The following AGPS variants were observed in gnomAD, a reference collection of about 807,000 sequenced individuals.
AGPS encodes alkylglycerone phosphate synthase.
AGPS carries 26 observed loss-of-function variants against 90.7 expected under a neutral mutation model. That is an observed-to-expected ratio of 0.29 (90% CI 0.21 to 0.40). AGPS has a LOEUF of 0.40. Ranked by LOEUF, AGPS falls within the 10% of genes least tolerant of loss-of-function variation. The pLI is 1.00. For missense variants in AGPS, 540 were observed against 816.1 expected (o/e 0.66, Z 4.12); for synonymous variants, 294 against 285.3 (o/e 1.03, Z -0.31).
rs902635803 is a variant in AGPS at position 177,457,911 on chromosome 2, A to T, written c.871-3982A>T. Among the ~76,000 whole-genome samples the T allele has an allele frequency of 2.0e-5, 3 of 152,364 alleles. No homozygotes were observed. In the East Asian group the frequency reaches 5.8e-4, roughly 29 times the overall value. ...AGAAAATTTCAGGCTAATATCCCCG[A>T]TGAACATCGATGCGAAAATCCTTAA... On this transcript the variant is annotated intron_variant, in intron 8 of 19. Transcript: ENST00000264167.
chr2:177,517,273 T>C (rs1211053838), intron 17 of AGPS, among the ~76,000 whole-genome samples: 1 of 152,154 alleles, frequency 6.6e-6, no homozygotes, highest in African/African-American at 2.4e-5. Context: ...TGATATCTTT[T>C]GTATATACAC....
chr2:177,537,732 G>A (rs1460955049), intron 19 of AGPS, among the ~76,000 whole-genome samples: 3 of 152,072 alleles, frequency 2.0e-5, no homozygotes, highest in Non-Finnish European at 4.4e-5. Flanking sequence ...AAACTTGGGT[G>A]TGTTTTGGTA....
At chr2:177,420,195 A>G (rs978394233) in intron 1 of AGPS, 74 bp from the exon 2 acceptor site, 5 of 937,776 alleles carry the variant, frequency 5.3e-6, no homozygotes, top group Middle Eastern at 2.5e-4. Flanking sequence ...TTGTGAGTTA[A>G]TAATCAATGA....
intron 19 of AGPS, among the ~76,000 whole-genome samples, chr2:177,536,033 C>T (rs1428184259): frequency 6.6e-6 from 1 of 152,020 alleles, no homozygotes; most frequent in Admixed American, 6.6e-5. Flanking sequence ...ATGATGCACT[C>T]CAAGCACCTT....
chr2:177,429,767 T>A (rs1335918915), intron 2 of AGPS, among the ~76,000 whole-genome samples: 1 of 152,170 alleles, frequency 6.6e-6, no homozygotes, highest in Non-Finnish European at 1.5e-5. Flanking sequence ...AGACCCCTGT[T>A]GGGAGCTCTG....
chr2:177,498,340 TG>T lies in AGPS; in HGVS notation c.1362+581del, dbSNP rs202129184. Among the ~76,000 whole-genome samples, 853 of 151,728 alleles carry T rather than the reference TG, an allele frequency of 5.6e-3. 9 individuals are homozygous for T. Among genetic ancestry groups the T allele is most frequent in the African/African-American group, 0.02 (812 of 41,506 alleles). ...TATGGTTATTTTTGCCAGGTGGTGG[TG>T]GGGGGTGTGCAGCTTCATGTTTTTT... On this transcript the variant is annotated intron_variant, in intron 13 of 19. Transcript: ENST00000264167.
chr2:177,475,662 T>C (rs565707244), intron 10 of AGPS, among the ~76,000 whole-genome samples: 1 of 152,340 alleles, frequency 6.6e-6, no homozygotes, highest in East Asian at 1.9e-4. Flanking sequence ...CTGAATAATA[T>C]TCCACCGCAT....
chr2:177,410,655 A>T (rs986169409), intron 1 of AGPS, among the ~76,000 whole-genome samples: 4 of 152,132 alleles, frequency 2.6e-5, no homozygotes, highest in Non-Finnish European at 4.4e-5. Flanking sequence ...CCCTCAGATA[A>T]TGACAGATCT....
intron 1 of AGPS, among the ~76,000 whole-genome samples, chr2:177,416,692 AT>A (rs755341056): frequency 2.6e-4 from 39 of 147,662 alleles, no homozygotes; most frequent in East Asian, 1.8e-3. Flanking sequence ...CACCCAGCTA[AT>A]TTTTTTTTTT....
At chr2:177,402,350 C>T (rs576099796) in intron 1 of AGPS, among the ~76,000 whole-genome samples, 2 of 152,338 alleles carry the variant, frequency 1.3e-5, no homozygotes, top group East Asian at 3.9e-4. Context: ...ACTGGTGCAG[C>T]TGGACTCAAT....
At chr2:177,432,908 G>A (rs1001481635) in intron 2 of AGPS, among the ~76,000 whole-genome samples, 2 of 152,146 alleles carry the variant, frequency 1.3e-5, no homozygotes, top group African/African-American at 4.8e-5. Flanking sequence ...GAGATGGTAG[G>A]GAGGTGCCAG....
intron 14 of AGPS, among the ~76,000 whole-genome samples, chr2:177,504,248 G>A (rs531731262): frequency 3.9e-4 from 59 of 152,220 alleles, no homozygotes; most frequent in African/African-American, 1.4e-3. Context: ...CTTGAGCTAT[G>A]GGCTAAGCTG....
intron 1 of AGPS, among the ~76,000 whole-genome samples, chr2:177,403,887 TTTCCCTA>T (rs1402410207): frequency 6.6e-6 from 1 of 152,204 alleles, no homozygotes; most frequent in African/African-American, 2.4e-5. Context: ...GTTTCCAGTG[TTTCCCTA>T]TTATAGAGAA....
chr2:177,396,125 T>G (rs1458584619), intron 1 of AGPS, among the ~76,000 whole-genome samples: 2 of 152,162 alleles, frequency 1.3e-5, no homozygotes, highest in Non-Finnish European at 2.9e-5. Context: ...CTGGAGAAGA[T>G]TTTAAAATGT....
At chr2:177,447,333 A>G (rs1686805737) in intron 8 of AGPS, among the ~76,000 whole-genome samples, 1 of 152,172 alleles carries the variant, frequency 6.6e-6, no homozygotes, top group Non-Finnish European at 1.5e-5. Context: ...TTATTTGTTG[A>G]GACAGTGTTA....
chr2:177,446,935 A>T (rs1686793442), intron 8 of AGPS, among the ~76,000 whole-genome samples: 1 of 152,180 alleles, frequency 6.6e-6, no homozygotes, highest in Admixed American at 6.5e-5. Flanking sequence ...ATCCTAATGA[A>T]TTTTTGGAAA....
intron 14 of AGPS, among the ~76,000 whole-genome samples, chr2:177,501,289 CAG>C (rs946702289): frequency 1.3e-5 from 2 of 152,140 alleles, no homozygotes; most frequent in Non-Finnish European, 2.9e-5. Flanking sequence ...CACCCACACA[CAG>C]AGGAATTTCA....
intron 2 of AGPS, among the ~76,000 whole-genome samples, chr2:177,433,113 A>C (rs1686291586): frequency 6.6e-6 from 1 of 152,258 alleles, no homozygotes; most frequent in Admixed American, 6.5e-5. Context: ...GAGTGAAAGG[A>C]TAAATCACAG....
At chr2:177,517,458 A>G (rs1346275857) in intron 17 of AGPS, among the ~76,000 whole-genome samples, 2 of 152,102 alleles carry the variant, frequency 1.3e-5, no homozygotes, top group Non-Finnish European at 1.5e-5. Context: ...CCCATTTCTT[A>G]GTTTTTAATT....
Sources: allele counts gnomAD v4.1 joint callset (sites outside exome capture counted in the v4.1 genomes callset), GRCh38; gene constraint gnomAD v4.1.1; transcripts MANE v1.5; gene names NCBI Gene and HGNC (gene_info 2026-07-23, HGNC 2026-07-21).